Variants in FBXL2 observed in about 807,000 individuals in gnomAD.
FBXL2 encodes F-box and leucine rich repeat protein 2.
A neutral mutation model predicts 69.2 loss-of-function variants in FBXL2; 38 were observed. That is an observed-to-expected ratio of 0.55 (90% CI 0.42 to 0.72). The LOEUF (loss-of-function observed/expected upper bound fraction) is 0.72, where lower values mean the gene tolerates loss of function less well. FBXL2 is among the 30% of genes least tolerant of loss of function. The pLI is 0.00. For synonymous variants in FBXL2, 192 were observed against 201.3 expected, an observed-to-expected ratio of 0.95 and a Z score of 0.39; for missense variants, 354 against 520.3, an observed-to-expected ratio of 0.68 and a Z score of 3.11.
chr3:33,318,156 T>C (rs2037875367), intron 2 of FBXL2, among the ~76,000 whole-genome samples: 1 of 152,156 alleles, frequency 6.6e-6, no homozygotes, highest in Non-Finnish European at 1.5e-5. Context: ...TGGCTGTTTC[T>C]CACTGGTATC....
chr3:33,316,787 T>A (rs183924832), intron 2 of FBXL2, among the ~76,000 whole-genome samples: 1 of 152,332 alleles, frequency 6.6e-6, no homozygotes, highest in East Asian at 1.9e-4. Flanking sequence ...TGAAGTATAA[T>A]TTACAGACAA....
chr3:33,290,016 C>T (rs917509578), intron 1 of FBXL2, among the ~76,000 whole-genome samples: 1 of 152,116 alleles, frequency 6.6e-6, no homozygotes, highest in African/African-American at 2.4e-5. Context: ...GAGATCTCCT[C>T]AAGGCACAGA....
intron 5 of FBXL2, 107 bp downstream of exon 5, chr3:33,364,826 G>A (rs1416839471): frequency 2.9e-6 from 3 of 1,030,316 alleles, no homozygotes; most frequent in Middle Eastern, 2.1e-4. Flanking sequence ...TTCTTTCTGT[G>A]GTAATTTGCA....
Position 33,328,807 on chromosome 3 carries a change from G to A in FBXL2, c.66-30160G>A, listed in dbSNP as rs950983655. The stretch of plus-strand genomic sequence containing the variant: ...GGCAAATTTGTGTGTGTGCATGTGT[G>A]TGTGTGTGTGTGTGTGTGTGTGTGT... On this transcript the variant is annotated intron_variant, in intron 2 of 14. Coordinates refer to ENST00000484457, the MANE Select transcript of FBXL2 (RefSeq NM_012157.5). 6.3e-5 allele frequency among the ~76,000 whole-genome samples: 9 copies of A among 143,816 alleles called. No individual in the cohort carries two copies. The South Asian group carries it at 1.7e-3, about 27-fold the overall frequency. 94.3% of individuals were successfully genotyped at this position (143,816 alleles called of 152,430 possible). A position where few individuals can be genotyped will look rare whatever the true frequency, so the allele number is the denominator to read the frequency against.
At chr3:33,284,797 G>A (rs2034425454) in intron 1 of FBXL2, among the ~76,000 whole-genome samples, 2 of 152,296 alleles carry the variant, frequency 1.3e-5, no homozygotes, top group Middle Eastern at 6.8e-3. Flanking sequence ...TTACCATTAT[G>A]TAATGGCCTT....
the FBXL2 span, among the ~76,000 whole-genome samples, chr3:33,417,550 A>G: frequency 0.013 from 2,016 of 152,320 alleles, 19 homozygotes; most frequent in South Asian, 0.027. Flanking sequence ...TTGTTTATCC[A>G]TTCATCAGCT....
At chr3:33,364,457 G>T in intron 4 of FBXL2, 168 bp from the exon 5 acceptor site, 1 of 641,778 alleles carries the variant, frequency 1.6e-6, no homozygotes, top group South Asian at 1.9e-5. Context: ...AGTGCTTGCA[G>T]CCCCTGTATG....
downstream of FBXL2, chr3:33,392,774 C>G (rs2043820479): frequency 1.6e-6 from 1 of 635,942 alleles, no homozygotes; most frequent in Non-Finnish European, 2.7e-6. Context: ...TGCACACGTG[C>G]TGCACTGCCT....
downstream of FBXL2, chr3:33,389,370 C>G (rs1253830758): frequency 6.6e-6 from 1 of 151,546 alleles, no homozygotes; most frequent in Non-Finnish European, 1.5e-5. Flanking sequence ...TCCCTTAACA[C>G]CTAGTCAGAA....
chr3:33,375,178 A>C, intron 9 of FBXL2, 110 bp from the exon 10 acceptor site: 1 of 1,313,366 alleles, frequency 7.6e-7, no homozygotes, highest in Non-Finnish European at 1.1e-6. Context: ...TTTGGATAAA[A>C]TGCTAGTAAT....
rs58912118 is a variant in FBXL2 at position 33,360,918 on chromosome 3, C to CTTTT, written c.195+1589_195+1592dup. ...ACTTTTTTGGAAAGCACATGAAGAACTTTTTTTTTTTTTTTTTTTTTTTTT... is the reference window on the plus strand; with the variant it reads ...ACTTTTTTGGAAAGCACATGAAGAACTTTTTTTTTTTTTTTTTTTTTTTTTTTTT... On this transcript the variant is annotated intron_variant, in intron 4 of 14. Coordinates refer to ENST00000484457, the MANE Select transcript of FBXL2 (RefSeq NM_012157.5). Among the ~76,000 whole-genome samples, 252 of 57,128 alleles carry CTTTT rather than the reference C, an allele frequency of 4.4e-3. 43 individuals are homozygous for CTTTT. Among genetic ancestry groups the CTTTT allele is most frequent in the African/African-American group, 7.1e-3 (128 of 17,944 alleles). 37.5% of individuals were successfully genotyped at this position (57,128 alleles called of 152,430 possible). A position where few individuals can be genotyped will look rare whatever the true frequency, so the allele number is the denominator to read the frequency against.
the FBXL2 span, among the ~76,000 whole-genome samples, chr3:33,420,588 A>T: frequency 2.7e-5 from 4 of 149,988 alleles, no homozygotes; most frequent in African/African-American, 7.4e-5. Flanking sequence ...TCCTGGGTTC[A>T]AACGGTTCTC....
chr3:33,403,580 G>GTCTATCTATCTATCTATCTATCTATCTA (rs1422365561), exon 13 of FBXL2: 5 of 147,050 alleles, frequency 3.4e-5, no homozygotes, highest in Non-Finnish European at 7.4e-5. Context: ...CTGTCTGTCT[G>GTCTATCTATCTATCTATCTATCTATCTA]TCTGTCTATC....
chr3:33,317,184 C>T (rs1400422634), intron 2 of FBXL2, among the ~76,000 whole-genome samples: 1 of 152,174 alleles, frequency 6.6e-6, no homozygotes, highest in African/African-American at 2.4e-5. Flanking sequence ...AGGCTTGAGC[C>T]ACCATGCTCA....
chr3:33,322,697 G>A (rs925552467), intron 2 of FBXL2, among the ~76,000 whole-genome samples: 3 of 152,262 alleles, frequency 2.0e-5, no homozygotes, highest in South Asian at 2.1e-4. Flanking sequence ...TAGTGGAGAC[G>A]TAGAGAAAGG....
chr3:33,375,464 G>A, intron 10 of FBXL2, 46 bp downstream of exon 10: 1 of 1,597,026 alleles, frequency 6.3e-7, no homozygotes, highest in Non-Finnish European at 8.6e-7. Flanking sequence ...GTTTGGCTGA[G>A]TTAACCAAGA....
downstream of FBXL2, among the ~76,000 whole-genome samples, chr3:33,404,273 G>A (rs1374917612): frequency 3.3e-5 from 5 of 152,046 alleles, no homozygotes; most frequent in African/African-American, 9.7e-5. Flanking sequence ...TTAGCTGGGC[G>A]TAGTGGCGTG....
At chr3:33,312,045 T>A (rs1331632240) in intron 2 of FBXL2, among the ~76,000 whole-genome samples, 3 of 152,210 alleles carry the variant, frequency 2.0e-5, no homozygotes, top group African/African-American at 7.2e-5. Context: ...GATAGACAAC[T>A]ATTTTTTATT....
At chr3:33,366,832 C>G (rs1286509874) in intron 5 of FBXL2, among the ~76,000 whole-genome samples, 1 of 151,958 alleles carries the variant, frequency 6.6e-6, no homozygotes, top group Non-Finnish European at 1.5e-5. Flanking sequence ...GGCGTGGTGG[C>G]AGGTGCCTGT....
Sources: allele counts gnomAD v4.1 joint callset (sites outside exome capture counted in the v4.1 genomes callset), GRCh38; gene constraint gnomAD v4.1.1; transcripts MANE v1.5; gene names NCBI Gene and HGNC (gene_info 2026-07-23, HGNC 2026-07-21).